AIG1: variants seen among roughly 807,000 people sequenced by gnomAD.
AIG1 encodes the protein androgen-induced gene 1 protein.
In AIG1, 23 loss-of-function variants were observed where a neutral mutation model predicts 31.4. That is an observed-to-expected ratio of 0.73 (90% CI 0.53 to 1.04). AIG1 has a LOEUF of 1.04. Among genes scored for constraint, AIG1 ranks in the 50% least tolerant of loss-of-function variants. AIG1 has a pLI of 0.00. For synonymous variants in AIG1, 100 were observed against 110.5 expected (o/e 0.90, Z 0.60); for missense variants, 274 against 295.0 (o/e 0.93, Z 0.52).
chr6:143,213,022 T>C (rs1221941703), intron 3 of AIG1, among the ~76,000 whole-genome samples: 3 of 152,180 alleles, frequency 2.0e-5, no homozygotes, highest in Non-Finnish European at 2.9e-5. Flanking sequence ...TGAAAAAGCA[T>C]TGTGATCCTC....
chr6:143,153,041 A>T lies in AIG1; in HGVS notation c.298-12041A>T, dbSNP rs986143750. ...CTAAAGTCACGGGATGACACAGGGT[A>T]CAACCTCAGAGACCCCATCTGCAAA... On this transcript the variant is annotated intron_variant, in intron 2 of 5. Transcript: ENST00000357847. Among the ~76,000 whole-genome samples the T allele has an allele frequency of 2.0e-5, 3 of 152,358 alleles. 1 individual carries two copies. The South Asian group carries it at 6.2e-4, about 32-fold the overall frequency.
At chr6:143,105,133 C>T (rs745416068) in intron 1 of AIG1, among the ~76,000 whole-genome samples, 2 of 152,106 alleles carry the variant, frequency 1.3e-5, no homozygotes, top group Non-Finnish European at 2.9e-5. Flanking sequence ...CCAGTGAGAT[C>T]ATAGCATAGT....
chr6:143,247,077 G>C (rs1335820769), intron 3 of AIG1, among the ~76,000 whole-genome samples: 1 of 152,184 alleles, frequency 6.6e-6, no homozygotes, highest in South Asian at 2.1e-4. Flanking sequence ...CTGTGATGCT[G>C]TGTGATAATA....
chr6:143,083,455 G>A (rs1778471143), intron 1 of AIG1, among the ~76,000 whole-genome samples: 2 of 152,132 alleles, frequency 1.3e-5, no homozygotes. Flanking sequence ...CAGGGATGCA[G>A]AAAAAAGCAT....
At chr6:143,073,059 C>A (rs1370651982) in intron 1 of AIG1, among the ~76,000 whole-genome samples, 1 of 152,156 alleles carries the variant, frequency 6.6e-6, no homozygotes. Flanking sequence ...TGCCTGGTAA[C>A]CACTGTTTTG....
At chr6:143,257,276 T>A (rs890028059) in intron 3 of AIG1, among the ~76,000 whole-genome samples, 2 of 152,158 alleles carry the variant, frequency 1.3e-5, no homozygotes, top group East Asian at 3.8e-4. Flanking sequence ...AGGTTTGAAA[T>A]GTGGTGTTTA....
At chr6:143,170,615 AT>A (rs1046654495) in intron 3 of AIG1, among the ~76,000 whole-genome samples, 8 of 149,074 alleles carry the variant, frequency 5.4e-5, no homozygotes, top group African/African-American at 1.5e-4. Context: ...ATCTTTTGAA[AT>A]TTTTTGTCTC....
intron 2 of AIG1, among the ~76,000 whole-genome samples, chr6:143,153,598 C>T (rs113974464): frequency 0.12 from 18,486 of 152,188 alleles, 1,107 homozygotes; most frequent in South Asian, 0.21. Context: ...CCACCTGCCT[C>T]GGCCTCCCAA....
At chr6:143,135,453 G>C (rs902067920) in intron 1 of AIG1, among the ~76,000 whole-genome samples, 1 of 152,116 alleles carries the variant, frequency 6.6e-6, no homozygotes, top group Non-Finnish European at 1.5e-5. Flanking sequence ...ATCAAAACAT[G>C]ACTCTTGCCA....
In AIG1 at chr6:143,189,709, C is replaced by A. The variant is rs147330333; in HGVS notation, c.399+24526C>A. ...TACCTAAATGTTTTTAACTGAAGAA[C>A]ACAATTTCCCTCAAAACCCTCATCC... is the stretch of plus-strand genomic sequence containing the variant. On this transcript the variant is annotated intron_variant, in intron 3 of 5. Transcript: ENST00000357847. 2.1e-4 allele frequency: 205 copies of A among 985,354 alleles called. 1 individual carries two copies. In the African/African-American group the frequency reaches 3.3e-3, roughly 16 times the overall value. The allele number at this position is 985,354 out of a possible 1,614,324, so 61.0% of individuals were successfully genotyped here.
intron 3 of AIG1, among the ~76,000 whole-genome samples, chr6:143,171,533 A>G (rs1198105398): frequency 7.6e-6 from 1 of 131,564 alleles, no homozygotes; most frequent in Non-Finnish European, 1.6e-5. Flanking sequence ...TATTTAATAT[A>G]TATATTATAT....
intron 2 of AIG1, among the ~76,000 whole-genome samples, chr6:143,150,312 T>C (rs1030515697): frequency 6.6e-6 from 1 of 152,182 alleles, no homozygotes; most frequent in Non-Finnish European, 1.5e-5. Context: ...AGCAACTTTC[T>C]TATGCCTTTT....
intron 4 of AIG1, among the ~76,000 whole-genome samples, chr6:143,294,304 A>G (rs888455545): frequency 3.3e-5 from 5 of 151,984 alleles, no homozygotes; most frequent in Non-Finnish European, 5.9e-5. Context: ...CTGCTTCCCT[A>G]TTTCCCTACT....
In AIG1 at chr6:143,308,193, C is replaced by T. The variant is rs146483243; in HGVS notation, c.515+23968C>T. 4.5e-3 allele frequency among the ~76,000 whole-genome samples: 682 copies of T among 152,366 alleles called. 6 individuals carry two copies. The highest frequency in any genetic ancestry group is 0.015 in the African/African-American group (608 of 41,598). ...CAATGCCTCGCCCTGCTTCGGCTCG[C>T]GCACGGTGCGCTGCACCCACTGTCC... On this transcript the variant is annotated intron_variant, in intron 4 of 5. Coordinates refer to ENST00000357847, the MANE Select transcript of AIG1 (RefSeq NM_016108.4).
At chr6:143,157,176 A>G (rs1785859328) in intron 2 of AIG1, among the ~76,000 whole-genome samples, 1 of 152,270 alleles carries the variant, frequency 6.6e-6, no homozygotes, top group Non-Finnish European at 1.5e-5. Context: ...TGATTAAAAA[A>G]GTCTTGGCAA....
At position 143,258,444 on chromosome 6, in the gene AIG1, A is replaced by G. The variant is rs1583648021; in HGVS notation, c.400-25666A>G. Among the ~76,000 whole-genome samples, 1 of 152,232 alleles carries G rather than the reference A, an allele frequency of 6.6e-6. No homozygotes were observed. Among genetic ancestry groups the G allele is most frequent in the South Asian group, 2.1e-4 (1 of 4,830 alleles). On this transcript the variant is annotated intron_variant, in intron 3 of 5. Coordinates refer to ENST00000357847, the MANE Select transcript of AIG1 (RefSeq NM_016108.4). This position sits in a 1 kb window ranked among gnomAD's most constrained non-coding sequence, Gnocchi z 4.7. ...TTTCTTCTTAGCCACTGCTAACACT[A>G]AAGAGAGCAATATCTTCCATTCTTA...
chr6:143,060,850 G>T, upstream of AIG1: 7 of 1,005,728 alleles, frequency 7.0e-6, no homozygotes, highest in Non-Finnish European at 8.3e-6. Flanking sequence ...TTCCCACGGC[G>T]CCCGCCCCCG....
intron 1 of AIG1, among the ~76,000 whole-genome samples, chr6:143,089,397 C>T (rs1357713362): frequency 1.3e-5 from 2 of 152,092 alleles, no homozygotes; most frequent in East Asian, 3.9e-4. Flanking sequence ...CATCTATGAG[C>T]TCTCTGACTT....
At chr6:143,186,394 A>T (rs551502019) in intron 3 of AIG1, among the ~76,000 whole-genome samples, 1 of 152,238 alleles carries the variant, frequency 6.6e-6, no homozygotes, top group African/African-American at 2.4e-5. Flanking sequence ...TAATTCAGAT[A>T]TGTGTAAACC....
Sources: gnomAD v4.1 joint callset for allele counts (sites outside exome capture counted in the v4.1 genomes callset) on GRCh38, gnomAD v4.1.1 for gene constraint, Gnocchi (gnomAD v3.1) non-coding constraint, MANE v1.5 for transcripts, NCBI Gene and HGNC (gene_info 2026-07-23, HGNC 2026-07-21) for gene names.